GPC6: variants seen among roughly 807,000 people sequenced by gnomAD.
GPC6 encodes the protein glypican-6.
Under a neutral mutation model 55.2 loss-of-function variants are expected in GPC6, and 14 were observed. The ratio of observed to expected loss-of-function variants is 0.25; its 90% CI spans 0.17 to 0.40. GPC6 has a LOEUF of 0.40. GPC6 is among the 10% of genes least tolerant of loss of function. The probability of loss-of-function intolerance (pLI) is 1.00; values close to 1 mark genes in which losing one functional copy is unlikely to be tolerated. For synonymous variants in GPC6, 278 were observed against 259.6 expected, an observed-to-expected ratio of 1.07 and a Z score of -0.68; for missense variants, 641 against 708.5, an observed-to-expected ratio of 0.90 and a Z score of 1.08.
chr13:94,352,527 T>C (rs1454536360), intron 6 of GPC6, among the ~76,000 whole-genome samples: 1 of 152,116 alleles, frequency 6.6e-6, no homozygotes, highest in East Asian at 1.9e-4. Flanking sequence ...CACTGTGAGG[T>C]TGCTTCAGAC....
intron 2 of GPC6, among the ~76,000 whole-genome samples, chr13:93,728,509 AG>A (rs1205584794): frequency 6.6e-6 from 1 of 150,784 alleles, no homozygotes; most frequent in Non-Finnish European, 1.5e-5. Flanking sequence ...CCAAAGTGAA[AG>A]GATTACTGGT....
Position 93,311,668 on chromosome 13 carries a change from T to C in GPC6, c.160+84052T>C, listed in dbSNP as rs1053792766. On this transcript the variant is annotated intron_variant, in intron 1 of 8. Coordinates refer to ENST00000377047, the MANE Select transcript of GPC6 (RefSeq NM_005708.5). ...CTTCATAGAAACCTAGAGACATAGATTCTTTGTAAACAAATAATGATATAA... is the reference window on the plus strand; with the variant it reads ...CTTCATAGAAACCTAGAGACATAGACTCTTTGTAAACAAATAATGATATAA... Among the ~76,000 whole-genome samples the C allele has an allele frequency of 9.2e-5, 14 of 152,314 alleles. No homozygotes were observed. In the South Asian group the frequency reaches 2.9e-3, roughly 32 times the overall value.
At chr13:93,683,104 A>G (rs1182575571) in intron 2 of GPC6, among the ~76,000 whole-genome samples, 1 of 147,924 alleles carries the variant, frequency 6.8e-6, no homozygotes, top group Non-Finnish European at 1.5e-5. Flanking sequence ...GAAAAATAAC[A>G]TTTATCATTA....
chr13:93,825,733 G>A lies in GPC6; in HGVS notation c.320-4421G>A, dbSNP rs74856846. ...TGACACATGTGTGTGGAATGAGAAA[G>A]ACTACTCCTCATTTCACCTTGAGAA... On this transcript the variant is annotated intron_variant, in intron 2 of 8. Transcript: ENST00000377047. Among the ~76,000 whole-genome samples, 424 of 152,234 alleles carry A rather than the reference G, an allele frequency of 2.8e-3. 5 individuals carry two copies. The highest frequency in any genetic ancestry group is 0.014 in the East Asian group (75 of 5,180).
intron 2 of GPC6, among the ~76,000 whole-genome samples, chr13:93,592,797 A>G (rs1877552852): frequency 6.6e-6 from 1 of 152,050 alleles, no homozygotes; most frequent in Admixed American, 6.6e-5. Context: ...CATAAATAGA[A>G]CCGTTGATTA....
At chr13:93,635,195 A>G (rs758178650) in intron 2 of GPC6, among the ~76,000 whole-genome samples, 25 of 152,124 alleles carry the variant, frequency 1.6e-4, no homozygotes, top group Admixed American at 8.5e-4. Flanking sequence ...AAACTTTCAT[A>G]CAAAACTGGA....
At chr13:93,446,865 T>A (rs554702322) in intron 1 of GPC6, among the ~76,000 whole-genome samples, 107 of 152,320 alleles carry the variant, frequency 7.0e-4, no homozygotes, top group African/African-American at 2.5e-3. Flanking sequence ...ACTTTTTTAT[T>A]TTTTGTTTGA....
chr13:93,552,395 A>G (rs889859639), intron 2 of GPC6, among the ~76,000 whole-genome samples: 1 of 151,974 alleles, frequency 6.6e-6, no homozygotes, highest in Non-Finnish European at 1.5e-5. Context: ...AATGTGGTGC[A>G]TGTAGAACCC....
intron 4 of GPC6, among the ~76,000 whole-genome samples, chr13:94,110,062 TAAAAAAAAAAAAAA>T (rs78404632): frequency 1.3e-4 from 11 of 84,632 alleles, no homozygotes; most frequent in African/African-American, 4.6e-4. Context: ...CACCCTGGAC[TAAAAAAAAAAAAAA>T]AAAAAGAAAA....
chr13:93,864,452 C>A (rs1268367272), intron 3 of GPC6, among the ~76,000 whole-genome samples: 1 of 151,628 alleles, frequency 6.6e-6, no homozygotes, highest in Non-Finnish European at 1.5e-5. Context: ...TAGTATACAT[C>A]ACTGCCTGGT....
At chr13:94,290,975 G>A (rs112679865) in intron 5 of GPC6, among the ~76,000 whole-genome samples, 6,198 of 152,170 alleles carry the variant, frequency 0.041, 395 homozygotes, top group African/African-American at 0.14. Context: ...GCAGATCACC[G>A]GAGGTCAGGA....
At chr13:94,180,878 C>G (rs61501266) in intron 4 of GPC6, among the ~76,000 whole-genome samples, 13,853 of 149,552 alleles carry the variant, frequency 0.093, 1,052 homozygotes, top group East Asian at 0.26. Flanking sequence ...GAGACACACA[C>G]AGAGAGAGAG....
intron 6 of GPC6, among the ~76,000 whole-genome samples, chr13:94,351,783 G>T (rs1878553759): frequency 1.3e-5 from 2 of 151,876 alleles, no homozygotes; most frequent in South Asian, 4.2e-4. Context: ...TTACTTAAGG[G>T]AATTGGATCC....
At chr13:93,422,843 G>C (rs1876972092) in intron 1 of GPC6, among the ~76,000 whole-genome samples, 1 of 152,116 alleles carries the variant, frequency 6.6e-6, no homozygotes, top group South Asian at 2.1e-4. Flanking sequence ...GTCTGCTCTT[G>C]ATGGTTCTAG....
At chr13:93,419,032 T>G (rs547381649) in intron 1 of GPC6, among the ~76,000 whole-genome samples, 1 of 150,680 alleles carries the variant, frequency 6.6e-6, no homozygotes, top group Non-Finnish European at 1.5e-5. Context: ...GCCATAGTAT[T>G]ATTTTATTAA....
intron 2 of GPC6, among the ~76,000 whole-genome samples, chr13:93,567,728 A>C (rs1456168279): frequency 6.6e-6 from 1 of 152,188 alleles, no homozygotes; most frequent in Admixed American, 6.5e-5. Flanking sequence ...TCTGAGATAA[A>C]CTTGAAATAC....
At chr13:93,640,043 A>G (rs1879848606) in intron 2 of GPC6, among the ~76,000 whole-genome samples, 1 of 152,126 alleles carries the variant, frequency 6.6e-6, no homozygotes, top group African/African-American at 2.4e-5. Context: ...CTGCTGCCAG[A>G]CCTTATGATT....
At chr13:94,099,604 T>C (rs1379053415) in intron 4 of GPC6, among the ~76,000 whole-genome samples, 2 of 152,196 alleles carry the variant, frequency 1.3e-5, no homozygotes, top group Non-Finnish European at 2.9e-5. Context: ...AAGGTAAAGG[T>C]ATTTGCTTAC....
chr13:94,200,212 G>A (rs145586472), intron 4 of GPC6, among the ~76,000 whole-genome samples: 283 of 151,454 alleles, frequency 1.9e-3, no homozygotes, highest in Middle Eastern at 3.5e-3. Context: ...CATTCTTCAG[G>A]AATTGCTCTC....
Sources: gnomAD v4.1 joint callset for allele counts (sites outside exome capture counted in the v4.1 genomes callset) on GRCh38, gnomAD v4.1.1 for gene constraint, MANE v1.5 for transcripts, NCBI Gene and HGNC (gene_info 2026-07-23, HGNC 2026-07-21) for gene names.